EBF3: variants seen among roughly 807,000 people sequenced by gnomAD.
EBF3 encodes the protein EBF transcription factor 3, also known as transcription factor COE3.
In EBF3, 18 loss-of-function variants were observed where a neutral mutation model predicts 77.1. That is an observed-to-expected ratio of 0.23 (90% CI 0.16 to 0.35). The LOEUF is 0.35. Ranked by LOEUF, EBF3 falls within the 10% of genes least tolerant of loss-of-function variation. The probability of loss-of-function intolerance (pLI) is 1.00; values close to 1 mark genes in which losing one functional copy is unlikely to be tolerated. For missense variants in EBF3, 558 were observed against 860.0 expected (o/e 0.65, Z 4.39); for synonymous variants, 350 against 343.5 (o/e 1.02, Z -0.21).
At chr10:129,844,333 C>T (rs1023679658) in intron 11 of EBF3, among the ~76,000 whole-genome samples, 9 of 152,196 alleles carry the variant, frequency 5.9e-5, no homozygotes, top group East Asian at 1.9e-4. Context: ...AGGTGGCCTT[C>T]GCTCCTGGGC....
rs1161177218 is a variant in EBF3 at position 129,947,004 on chromosome 10, C to G, written c.554+10254G>C. Among the ~76,000 whole-genome samples, 2 of 152,206 alleles carry G rather than the reference C, an allele frequency of 1.3e-5. No individual in the cohort carries two copies. The highest frequency in any genetic ancestry group is 1.3e-4 in the Admixed American group (2 of 15,282). The stretch of plus-strand genomic sequence containing the variant: ...CCCATGTCTTGGTAACTGATGGCGG[C>G]TGCCCAGTGGCTGGATCGGGCCGAT... On this transcript the variant is annotated intron_variant, in intron 6 of 16. Transcript: ENST00000440978. This position sits in a 1 kb window ranked among gnomAD's most constrained non-coding sequence, Gnocchi z 4.5.
At chr10:129,951,167 G>A (rs1163792897) in intron 6 of EBF3, among the ~76,000 whole-genome samples, 4 of 152,186 alleles carry the variant, frequency 2.6e-5, no homozygotes, top group East Asian at 1.9e-4. Context: ...TCGGCATCAC[G>A]AGAAGGCCTC....
intron 10 of EBF3, among the ~76,000 whole-genome samples, chr10:129,860,213 A>C (rs1373648092): frequency 6.6e-6 from 1 of 151,928 alleles, no homozygotes; most frequent in East Asian, 1.9e-4. Context: ...TCAGAAACTC[A>C]AAAGTCCGGA....
rs117966814 is a variant in EBF3 at position 129,883,509 on chromosome 10, T to C, written c.555-5660A>G. ...AGAGAGCTCTTAATAAGCAGCAAAC[T>C]CATACAACAGTGGATGGGCCTGCAG... On this transcript the variant is annotated intron_variant, in intron 6 of 16. Coordinates refer to ENST00000440978, the MANE Select transcript of EBF3 (RefSeq NM_001375380.1). Among the ~76,000 whole-genome samples the C allele has an allele frequency of 7.9e-3, 1,197 of 152,188 alleles. 10 individuals carry two copies. The highest frequency in any genetic ancestry group is 9.8e-3 in the Non-Finnish European group (668 of 68,002).
intron 10 of EBF3, among the ~76,000 whole-genome samples, chr10:129,857,795 C>G (rs542139448): frequency 6.6e-6 from 1 of 152,130 alleles, no homozygotes; most frequent in Non-Finnish European, 1.5e-5. Context: ...CCACCATGAG[C>G]GCCTATGAGA....
Position 129,846,108 on chromosome 10 carries a change from TTGTG to T in EBF3, c.1128+2280_1128+2283del, listed in dbSNP as rs10530522. Among the ~76,000 whole-genome samples, 1,119 of 139,676 alleles carry T rather than the reference TTGTG, an allele frequency of 8.0e-3. 12 individuals are homozygous for T. Among genetic ancestry groups the T allele is most frequent in the African/African-American group, 0.021 (782 of 38,146 alleles). The allele number at this position is 139,676 out of a possible 152,430, so 91.6% of individuals were successfully genotyped here. ...ATTGCCTTTATTTTCATTCTGGGCT[TTGTG>T]TGTGTGTGTGTGTGTGTGTGTGTGT... On this transcript the variant is annotated intron_variant, in intron 11 of 16. Transcript: ENST00000440978.
At position 129,841,051 on chromosome 10, in the gene EBF3, C is replaced by CCA; in HGVS notation, c.1373-20_1373-19insTG. The CCA allele has an allele frequency of 6.2e-7, 1 of 1,603,880 alleles. No individual in the cohort carries two copies. The highest frequency in any genetic ancestry group is 1.1e-5 in the South Asian group (1 of 89,780). On this transcript the variant is annotated intron_variant, in intron 13 of 16. Transcript: ENST00000440978. The surrounding 1 kb of genome is among the most constrained non-coding windows in gnomAD (Gnocchi z 4.6). ...TAGCCGACTGTTGAAATCCCCCCCC[C>CCA]GGCCAAAAATAACATTATTATCAGC...
intron 6 of EBF3, among the ~76,000 whole-genome samples, chr10:129,927,251 G>A (rs976547533): frequency 3.9e-5 from 6 of 152,192 alleles, no homozygotes; most frequent in Admixed American, 3.3e-4. Flanking sequence ...CCAGCATGAC[G>A]TGGGCTTGGT....
chr10:129,955,085 C>T (rs563297248), intron 6 of EBF3, among the ~76,000 whole-genome samples: 9 of 152,054 alleles, frequency 5.9e-5, no homozygotes, highest in African/African-American at 1.9e-4. Flanking sequence ...AGAAATATGC[C>T]GTAAGCTGGA....
intron 6 of EBF3, among the ~76,000 whole-genome samples, chr10:129,923,245 T>C (rs994152493): frequency 6.6e-6 from 1 of 152,186 alleles, no homozygotes; most frequent in African/African-American, 2.4e-5. Context: ...TAGAATCATT[T>C]TGCAATAGAA....
chr10:129,839,375 A>C (rs1165605945), intron 15 of EBF3, among the ~76,000 whole-genome samples, 180 bp from the exon 16 acceptor site: 2 of 152,326 alleles, frequency 1.3e-5, no homozygotes, highest in Admixed American at 6.5e-5. Flanking sequence ...GCCACTCGCA[A>C]GTTCATGAGG....
chr10:129,848,296 C>T lies in EBF3; in HGVS notation c.1128+96G>A. 2.4e-6 allele frequency: 3 copies of T among 1,272,650 alleles called. No homozygotes were observed. Among genetic ancestry groups the T allele is most frequent in the South Asian group, 2.4e-5 (2 of 83,672 alleles). The allele number at this position is 1,272,650 out of a possible 1,614,324, so 78.8% of individuals were successfully genotyped here. A position where few individuals can be genotyped will look rare whatever the true frequency, so the allele number is the denominator to read the frequency against. On this transcript the variant is annotated intron_variant, in intron 11 of 16. Transcript: ENST00000440978. The surrounding 1 kb of genome is among the most constrained non-coding windows in gnomAD (Gnocchi z 4.4). The stretch of plus-strand genomic sequence containing the variant: ...GTGGGCACAGAGTTTGGGGAATCTG[C>T]AATCCCCCCTTCCCAGAGCACCTGC...
In EBF3 at chr10:129,835,684, TTTAA is replaced by T. The variant is rs1463344643; in HGVS notation, c.*2255_*2258del. On this transcript the variant is annotated 3_prime_UTR_variant, in exon 17 of 17. Coordinates refer to ENST00000440978, the MANE Select transcript of EBF3 (RefSeq NM_001375380.1). ...CTGACTCCTGGGGACATTCTGTTTA[TTTAA>T]TTTTGTCCCTAGAATGAACACTTTG... is the stretch of plus-strand genomic sequence containing the variant. The T allele has an allele frequency of 6.6e-6, 1 of 152,296 alleles. No homozygotes were observed. Among genetic ancestry groups the T allele is most frequent in the Admixed American group, 6.5e-5 (1 of 15,280 alleles). The allele number at this position is 152,296 out of a possible 1,614,324, so 9.4% of individuals were successfully genotyped here.
At chr10:129,933,034 C>A (rs1488600384) in intron 6 of EBF3, among the ~76,000 whole-genome samples, 10 of 151,986 alleles carry the variant, frequency 6.6e-5, no homozygotes, top group Non-Finnish European at 2.9e-5. Flanking sequence ...TAAAAAGACC[C>A]AAAAATTATC....
chr10:129,936,026 G>A (rs1357272743), intron 6 of EBF3, among the ~76,000 whole-genome samples: 1 of 152,180 alleles, frequency 6.6e-6, no homozygotes, highest in Non-Finnish European at 1.5e-5. Flanking sequence ...GCGAGTCAAC[G>A]GCGGCAGGTG....
chr10:129,919,373 A>T (rs970618903), intron 6 of EBF3, among the ~76,000 whole-genome samples: 1 of 152,088 alleles, frequency 6.6e-6, no homozygotes, highest in Admixed American at 6.5e-5. Flanking sequence ...GTGGAGTGTG[A>T]TAACAGCCAC....
intron 4 of EBF3, among the ~76,000 whole-genome samples, chr10:129,961,209 A>G (rs1321229651): frequency 6.6e-6 from 1 of 152,240 alleles, no homozygotes; most frequent in Non-Finnish European, 1.5e-5. Context: ...AAACCGAAGA[A>G]GCCACTTTCA....
At chr10:129,911,052 AC>A (rs1176559023) in intron 6 of EBF3, among the ~76,000 whole-genome samples, 4 of 151,782 alleles carry the variant, frequency 2.6e-5, no homozygotes, top group Non-Finnish European at 5.9e-5. Flanking sequence ...CCCACTCCAA[AC>A]CCCCACACCT....
In EBF3 at chr10:129,912,952, T is replaced by C. The variant is rs1589843288; in HGVS notation, c.555-35103A>G. Among the ~76,000 whole-genome samples the C allele has an allele frequency of 2.0e-5, 3 of 152,374 alleles. No homozygotes were observed. The Middle Eastern group carries it at 0.01, about 518-fold the overall frequency. On this transcript the variant is annotated intron_variant, in intron 6 of 16. Transcript: ENST00000440978. ...TCTAAGTCGACCTGATGAAGTTTAC[T>C]TCCTTCCAACAACAAATAGCAGCTT...
Sources: allele counts gnomAD v4.1 joint callset (sites outside exome capture counted in the v4.1 genomes callset), GRCh38; gene constraint gnomAD v4.1.1; non-coding constraint Gnocchi (gnomAD v3.1); transcripts MANE v1.5; gene names NCBI Gene and HGNC (gene_info 2026-07-23, HGNC 2026-07-21).